CHL1: variants seen among roughly 807,000 people sequenced by gnomAD.
The protein encoded by CHL1 is cell adhesion molecule L1 like, also known as neural cell adhesion molecule L1-like protein.
In CHL1, 96 loss-of-function variants were observed where a neutral mutation model predicts 141.9. The ratio of observed to expected loss-of-function variants is 0.68; its 90% CI spans 0.57 to 0.80. The LOEUF (loss-of-function observed/expected upper bound fraction) is 0.80, where lower values mean the gene tolerates loss of function less well. Among genes scored for constraint, CHL1 ranks in the 30% least tolerant of loss-of-function variants. CHL1 has a pLI of 0.00. For synonymous variants in CHL1, 613 were observed against 502.2 expected (o/e 1.22, Z -2.95); for missense variants, 1,820 against 1,457.2 (o/e 1.25, Z -4.05).
intron 2 of CHL1, among the ~76,000 whole-genome samples, chr3:307,452 A>G (rs919852664): frequency 6.6e-6 from 1 of 152,226 alleles, no homozygotes; most frequent in Non-Finnish European, 1.5e-5. Context: ...AGATGAGATA[A>G]TATTCTAGCT....
chr3:290,291 G>A (rs753815949), intron 2 of CHL1, among the ~76,000 whole-genome samples: 1 of 152,042 alleles, frequency 6.6e-6, no homozygotes, highest in Non-Finnish European at 1.5e-5. Context: ...CATGTGTAGG[G>A]GGTAACTCAA....
At chr3:382,097 C>T (rs1322119186) in intron 16 of CHL1, 82 bp from the exon 17 acceptor site, 15 of 1,201,078 alleles carry the variant, frequency 1.2e-5, no homozygotes, top group African/African-American at 4.5e-5. Flanking sequence ...CCTCTGTCTC[C>T]GGGTAGCTGG....
At position 327,785 on chromosome 3, in the gene CHL1, T is replaced by C. The variant is rs117965380; in HGVS notation, c.198-382T>C. Among the ~76,000 whole-genome samples the C allele has an allele frequency of 5.1e-4, 78 of 152,092 alleles. 1 individual carries two copies. In the East Asian group the frequency reaches 0.014, roughly 28 times the overall value. ...GAAATATTAGCAAGTGTAATAATAC[T>C]GGGCTTATCTGTTTTGGGATTTTGA... On this transcript the variant is annotated intron_variant, in intron 4 of 27. Coordinates refer to ENST00000256509, the MANE Select transcript of CHL1 (RefSeq NM_006614.4).
chr3:368,209 C>T (rs1214125963), intron 15 of CHL1, among the ~76,000 whole-genome samples: 1 of 152,190 alleles, frequency 6.6e-6, no homozygotes, highest in African/African-American at 2.4e-5. Flanking sequence ...TTTACATTCC[C>T]ACCAACAGTG....
Position 366,065 on chromosome 3 carries a change from C to G in CHL1, c.1701C>G (p.Ser567=). 1.2e-6 allele frequency: 2 copies of G among 1,613,824 alleles called. No individual in the cohort carries two copies. The highest frequency in any genetic ancestry group is 1.7e-6 in the Non-Finnish European group (2 of 1,179,862). Residue 567 remains serine, a synonymous_variant, in exon 15 of 28, where the codon TCC becomes TCG. Transcript: ENST00000256509. The part of the protein sequence containing the change: ...DSHLKHSLKL[S]WSKDGEAFEI... ...ATTTGAAACACAGTTTGAAGTTGTC[C>G]TGGAGTAAAGATGGAGAAGCCTTTG... is the stretch of plus-strand genomic sequence containing the variant.
chr3:374,524 G>C (rs967047155), intron 15 of CHL1, among the ~76,000 whole-genome samples: 1 of 152,162 alleles, frequency 6.6e-6, no homozygotes, highest in African/African-American at 2.4e-5. Context: ...GAAGCCCTAA[G>C]CAACCTTTTC....
intron 5 of CHL1, among the ~76,000 whole-genome samples, chr3:333,122 C>CTCTTTTTTTTTTTTTTT (rs1383301108): frequency 2.8e-4 from 4 of 14,304 alleles, no homozygotes; most frequent in Admixed American, 2.2e-3. Context: ...GATAATTGCT[C>CTCTTTTTTTTTTTTTTT]TATTTTTTTT....
At chr3:360,449 A>G (rs1470055341) in intron 12 of CHL1, 25 bp downstream of exon 12, 2 of 1,610,616 alleles carry the variant, frequency 1.2e-6, no homozygotes, top group Middle Eastern at 1.7e-4. Flanking sequence ...GAGCTGACTT[A>G]ACATGCTATT....
chr3:273,577 G>A (rs1032587283), intron 2 of CHL1, among the ~76,000 whole-genome samples: 22 of 151,882 alleles, frequency 1.4e-4, no homozygotes, highest in African/African-American at 5.1e-4. Flanking sequence ...ATATATTCAC[G>A]TTCTTTTTCT....
chr3:219,907 A>G (rs967129148), intron 1 of CHL1, among the ~76,000 whole-genome samples: 4 of 152,242 alleles, frequency 2.6e-5, no homozygotes, highest in African/African-American at 9.6e-5. Flanking sequence ...ACTAAGATAG[A>G]CAACCTCATG....
chr3:203,107 C>CT (rs1193125031), intron 1 of CHL1, among the ~76,000 whole-genome samples: 5 of 152,098 alleles, frequency 3.3e-5, no homozygotes, highest in Admixed American at 6.6e-5. Flanking sequence ...GACTTTCATC[C>CT]TTTTTTTGGT....
At chr3:332,462 A>G (rs1458963509) in intron 5 of CHL1, among the ~76,000 whole-genome samples, 4 of 152,202 alleles carry the variant, frequency 2.6e-5, no homozygotes, top group Non-Finnish European at 4.4e-5. Context: ...TGATGACGAT[A>G]TTCCTATTTT....
At chr3:353,229 T>G (rs570007124) in intron 10 of CHL1, among the ~76,000 whole-genome samples, 1 of 152,332 alleles carries the variant, frequency 6.6e-6, no homozygotes, top group South Asian at 2.1e-4. Flanking sequence ...TATTTCTGCA[T>G]ACGTTGAAAG....
chr3:235,052 G>A, intron 1 of CHL1, among the ~76,000 whole-genome samples: 1 of 151,544 alleles, frequency 6.6e-6, no homozygotes, highest in Non-Finnish European at 1.5e-5. Context: ...TGTGCACATT[G>A]TGCAGGTTAG....
intron 20 of CHL1, 44 bp downstream of exon 20, chr3:389,518 G>T: frequency 3.5e-6 from 5 of 1,433,974 alleles, no homozygotes; most frequent in Non-Finnish European, 4.9e-6. Context: ...AGTAACTGTT[G>T]CTTTCAAATA....
intron 1 of CHL1, among the ~76,000 whole-genome samples, chr3:242,335 G>T (rs977785438): frequency 6.0e-5 from 9 of 150,318 alleles, no homozygotes; most frequent in Admixed American, 1.3e-4. Flanking sequence ...GGTGGCTCAC[G>T]CCTGTAATCC....
At chr3:390,596 C>G (rs1708138590) in intron 20 of CHL1, 105 bp from the exon 21 acceptor site, 3 of 669,386 alleles carry the variant, frequency 4.5e-6, no homozygotes, top group Non-Finnish European at 7.8e-6. Context: ...GTGAATTTCA[C>G]AAAAGTGCTT....
Position 328,204 on chromosome 3 carries a change from A to C in CHL1, c.235A>C (p.Thr79Pro). The change falls in exon 5 of 28, where the codon ACT (threonine) becomes CCT (proline). Residue 79 changes from threonine to proline, a missense_variant. Transcript: ENST00000256509. ...WTKDGNPFYF[T>P]DHRIIPSNNS... Reference sequence around the variant, plus strand: ...TAAGGATGGCAACCCTTTTTATTTCACTGACCATCGGATAATTCCATCGAA... The same window carrying C: ...TAAGGATGGCAACCCTTTTTATTTCCCTGACCATCGGATAATTCCATCGAA... 6.2e-7 allele frequency: 1 copy of C among 1,606,656 alleles called. No individual in the cohort carries two copies. Among genetic ancestry groups the C allele is most frequent in the East Asian group, 2.2e-5 (1 of 44,600 alleles).
rs1709503186 is a variant in CHL1, at chr3:405,888, A to T, written c.*177A>T. 1.7e-6 allele frequency: 1 copy of T among 572,356 alleles called. No homozygotes were observed. The highest frequency in any genetic ancestry group is 1.9e-5 in the African/African-American group (1 of 53,256). 35.5% of individuals were successfully genotyped at this position (572,356 alleles called of 1,614,324 possible). A position where few individuals can be genotyped will look rare whatever the true frequency, so the allele number is the denominator to read the frequency against. Reference sequence around the variant, plus strand: ...TACTTTCTTCAAAATATAAAATGCCAAGCACTTCAGGCCTATGTTTTGCTT... The same window carrying T: ...TACTTTCTTCAAAATATAAAATGCCTAGCACTTCAGGCCTATGTTTTGCTT... On this transcript the variant is annotated 3_prime_UTR_variant, in exon 28 of 28. Transcript: ENST00000256509.
Sources: gnomAD v4.1 joint callset for allele counts (sites outside exome capture counted in the v4.1 genomes callset) on GRCh38, gnomAD v4.1.1 for gene constraint, MANE v1.5 for transcripts, NCBI Gene and HGNC (gene_info 2026-07-23, HGNC 2026-07-21) for gene names.